Variants in C8orf34 observed in about 807,000 individuals in gnomAD.
C8orf34 encodes uncharacterized protein C8orf34.
A neutral mutation model predicts 68.3 loss-of-function variants in C8orf34; 65 were observed. The ratio of observed to expected loss-of-function variants is 0.95; its 90% confidence interval spans 0.78 to 1.17. The LOEUF is 1.17. Among genes scored for constraint, C8orf34 ranks in the 50% most tolerant of loss-of-function variants. The pLI, the probability that C8orf34 is intolerant of heterozygous loss-of-function variation, is 0.00. For synonymous variants in C8orf34, 244 were observed against 241.2 expected, an observed-to-expected ratio of 1.01 and a Z score of -0.11; for missense variants, 664 against 655.4, an observed-to-expected ratio of 1.01 and a Z score of -0.14.
In C8orf34 at chr8:68,776,421, G is replaced by A. The variant is rs867134366; in HGVS notation, c.1427G>A (p.Gly476Glu). 6.2e-7 allele frequency: 1 copy of A among 1,613,224 alleles called. No homozygotes were observed. Reference sequence around the variant, plus strand: ...TAGGGAGAAGCCTCCAGTGGAGTAGGACACTCACTGAAAAACTACATGGAA... The same window carrying A: ...TAGGGAGAAGCCTCCAGTGGAGTAGAACACTCACTGAAAAACTACATGGAA... Reference protein sequence around the residue: ...TGPGEASSGVGHSLKNYMEED... With the variant: ...TGPGEASSGVEHSLKNYMEED... Residue 476 changes from glycine to glutamate, a missense_variant, in exon 11 of 14, where the codon GGA becomes GAA. Coordinates refer to ENST00000518698, the MANE Select transcript of C8orf34 (RefSeq NM_052958.4).
At chr8:68,791,340 A>T (rs188034718) in intron 12 of C8orf34, 81 of 166,388 alleles carry the variant, frequency 4.9e-4, no homozygotes, top group Non-Finnish European at 8.5e-4. Flanking sequence ...AACAAGGGGG[A>T]TATCTGCCCC....
chr8:68,738,093 G>A (rs1438294131), intron 10 of C8orf34, among the ~76,000 whole-genome samples: 2 of 151,752 alleles, frequency 1.3e-5, no homozygotes, highest in Non-Finnish European at 3.0e-5. Flanking sequence ...TTTTTATATG[G>A]TCCAGTTTCT....
intron 10 of C8orf34, among the ~76,000 whole-genome samples, chr8:68,736,963 TAA>T (rs1265255835): frequency 4.6e-5 from 7 of 152,114 alleles, no homozygotes; most frequent in Non-Finnish European, 1.0e-4. Flanking sequence ...TTTAGAAATT[TAA>T]GTTTTTATCT....
chr8:68,783,065 C>T (rs1823726768), intron 11 of C8orf34, among the ~76,000 whole-genome samples: 1 of 108,018 alleles, frequency 9.3e-6, no homozygotes, highest in Non-Finnish European at 1.8e-5. Context: ...GAGAACATGT[C>T]TCAAAAAAAA....
rs563144847 is a variant in C8orf34 at position 68,622,636 on chromosome 8, A to T, written c.1106-17740A>T. Among the ~76,000 whole-genome samples, 67 of 152,298 alleles carry T rather than the reference A, an allele frequency of 4.4e-4. 1 individual carries two copies. The highest frequency in any genetic ancestry group is 1.5e-3 in the African/African-American group (61 of 41,562). ...TTTCATAAAGAAGATAAATATCAAGATAGCATCTTTGTTTTGTTAGTCATG... is the reference window on the plus strand; with the variant it reads ...TTTCATAAAGAAGATAAATATCAAGTTAGCATCTTTGTTTTGTTAGTCATG... On this transcript the variant is annotated intron_variant, in intron 7 of 13. Coordinates refer to ENST00000518698, the MANE Select transcript of C8orf34 (RefSeq NM_052958.4).
chr8:68,805,172 G>T (rs73283884), intron 12 of C8orf34, among the ~76,000 whole-genome samples: 36,474 of 152,052 alleles, frequency 0.24, 4,776 homozygotes, highest in East Asian at 0.47. Context: ...CATTTATTTT[G>T]TTGAAAGAAC....
rs114580688 is a variant in C8orf34, at chr8:68,342,508, T to C, written c.327+11169T>C. On this transcript the variant is annotated intron_variant, in intron 1 of 13. Coordinates refer to ENST00000518698, the MANE Select transcript of C8orf34 (RefSeq NM_052958.4). ...ACTCAGCAGTGTAGTAGCCCCCTCT[T>C]ATCTGTGGTTTCAGTTACTCATGGT... 7.8e-3 allele frequency among the ~76,000 whole-genome samples: 1,188 copies of C among 152,322 alleles called. 22 individuals carry two copies. The highest frequency in any genetic ancestry group is 0.026 in the African/African-American group (1,082 of 41,580).
rs527258032 is a variant in C8orf34 at position 68,771,754 on chromosome 8, A to G, written c.1405-4645A>G. On this transcript the variant is annotated intron_variant, in intron 10 of 13. Transcript: ENST00000518698. ...CAGAGGCTACAACAGTTCCCAGCACATGGGAGTGCTCAATACATGTTTGTT... is the reference window on the plus strand; with the variant it reads ...CAGAGGCTACAACAGTTCCCAGCACGTGGGAGTGCTCAATACATGTTTGTT... 1.2e-4 allele frequency among the ~76,000 whole-genome samples: 19 copies of G among 152,230 alleles called. 1 individual carries two copies. The South Asian group carries it at 3.3e-3, about 27-fold the overall frequency.
chr8:68,720,794 T>C (rs1445177530), intron 9 of C8orf34, among the ~76,000 whole-genome samples: 11 of 151,928 alleles, frequency 7.2e-5, no homozygotes, highest in Non-Finnish European at 1.5e-5. Flanking sequence ...TGTTTTCACA[T>C]ATTTGAAAGC....
At chr8:68,779,154 G>A (rs919474901) in intron 11 of C8orf34, among the ~76,000 whole-genome samples, 2 of 150,518 alleles carry the variant, frequency 1.3e-5, no homozygotes, top group African/African-American at 4.9e-5. Flanking sequence ...TCCAGCCTGC[G>A]TGACAGTATA....
intron 8 of C8orf34, among the ~76,000 whole-genome samples, chr8:68,659,842 A>C: frequency 6.6e-6 from 1 of 152,118 alleles, no homozygotes; most frequent in East Asian, 1.9e-4. Context: ...GATATCAGAA[A>C]CCTACCTTTA....
At chr8:68,795,428 T>C (rs1338624534) in intron 12 of C8orf34, among the ~76,000 whole-genome samples, 2 of 151,956 alleles carry the variant, frequency 1.3e-5, no homozygotes, top group African/African-American at 4.8e-5. Context: ...TAATATAACA[T>C]AATGTGGAAA....
At chr8:68,692,433 A>G (rs1429410282) in intron 8 of C8orf34, among the ~76,000 whole-genome samples, 2 of 152,090 alleles carry the variant, frequency 1.3e-5, no homozygotes, top group Non-Finnish European at 2.9e-5. Flanking sequence ...TCATTTATGA[A>G]CATGTATATT....
In C8orf34 at chr8:68,609,926, G is replaced by A. The variant is rs574678982; in HGVS notation, c.1106-30450G>A. On this transcript the variant is annotated intron_variant, in intron 7 of 13. Coordinates refer to ENST00000518698, the MANE Select transcript of C8orf34 (RefSeq NM_052958.4). ...GGAGATAAAGAATGAAGCAAAAGACGTGGAACAGAAGGGAGTTTCTGCCAA... is the reference window on the plus strand; with the variant it reads ...GGAGATAAAGAATGAAGCAAAAGACATGGAACAGAAGGGAGTTTCTGCCAA... 6.6e-4 allele frequency among the ~76,000 whole-genome samples: 101 copies of A among 152,216 alleles called. 1 individual carries two copies. The highest frequency in any genetic ancestry group is 5.4e-4 in the Non-Finnish European group (37 of 67,996).
intron 10 of C8orf34, among the ~76,000 whole-genome samples, chr8:68,766,090 A>C (rs1184968831): frequency 6.6e-6 from 1 of 152,346 alleles, no homozygotes; most frequent in East Asian, 1.9e-4. Context: ...AGTTAGAGAA[A>C]TGTTTCCCTA....
chr8:68,349,680 G>A (rs527845769), intron 1 of C8orf34, among the ~76,000 whole-genome samples: 13 of 151,908 alleles, frequency 8.6e-5, no homozygotes, highest in African/African-American at 2.7e-4. Flanking sequence ...TCAGGGAATC[G>A]ATTTCTCCCT....
Position 68,721,372 on chromosome 8 carries a change from G to T in C8orf34, c.1339G>T (p.Gly447Trp). The T allele has an allele frequency of 6.2e-7, 1 of 1,605,434 alleles. No homozygotes were observed. The highest frequency in any genetic ancestry group is 8.5e-7 in the Non-Finnish European group (1 of 1,173,918). Residue 447 changes from glycine to tryptophan, a missense_variant, in exon 10 of 14, where the codon GGG (glycine) becomes TGG (tryptophan). By Grantham distance (184) the Gly-to-Trp change is radical (BLOSUM62 -2). Transcript: ENST00000518698. ...AAAAATAAAAATAGATTCCTTGCCT[G>T]GGACTGAAGAAGCACTAATGGAGGA... ...KIPDSFDSLP[G>W]TEEALMEEGD...
intron 7 of C8orf34, among the ~76,000 whole-genome samples, chr8:68,637,850 G>T (rs1818891379): frequency 6.6e-6 from 1 of 152,086 alleles, no homozygotes; most frequent in South Asian, 2.1e-4. Flanking sequence ...TTTTCCAAGG[G>T]TTTTTGATTA....
chr8:68,463,038 C>A (rs903195783), intron 3 of C8orf34, among the ~76,000 whole-genome samples: 2 of 151,670 alleles, frequency 1.3e-5, no homozygotes, highest in Admixed American at 1.3e-4. Flanking sequence ...ATTGATAGAC[C>A]GCTAGCAAGA....
Sources: allele counts gnomAD v4.1 joint callset (sites outside exome capture counted in the v4.1 genomes callset), GRCh38; gene constraint gnomAD v4.1.1; transcripts MANE v1.5; gene names NCBI Gene and HGNC (gene_info 2026-07-23, HGNC 2026-07-21).